Variants in ZC3H12B observed in about 807,000 individuals in gnomAD.
The protein encoded by ZC3H12B is zinc finger CCCH-type containing 12B.
ZC3H12B carries 7 observed loss-of-function variants against 43.9 expected under a neutral mutation model. The observed-to-expected ratio is 0.16, with a 90% CI of 0.09 to 0.30. ZC3H12B has a LOEUF of 0.30. Ranked by LOEUF, ZC3H12B falls within the 10% of genes least tolerant of loss-of-function variation. The probability of loss-of-function intolerance (pLI) is 1.00; values close to 1 mark genes in which losing one functional copy is unlikely to be tolerated. For synonymous variants in ZC3H12B, 222 were observed against 241.7 expected, an observed-to-expected ratio of 0.92 and a Z score of 0.76; for missense variants, 475 against 670.2, an observed-to-expected ratio of 0.71 and a Z score of 3.22.
intron 3 of ZC3H12B, among the ~76,000 whole-genome samples, chrX:65,443,075 G>A (rs1179844217): frequency 9.0e-6 from 1 of 111,558 alleles, no homozygotes; most frequent in Non-Finnish European, 1.9e-5. Context: ...TTTAGCTTTA[G>A]CTGGCAAATA....
the ZC3H12B span, among the ~76,000 whole-genome samples, chrX:65,094,053 A>C: frequency 9.1e-6 from 1 of 110,143 alleles, no homozygotes; most frequent in African/African-American, 3.3e-5. Flanking sequence ...TGTTCTCATG[A>C]CAGAGTTCTC....
the ZC3H12B span, among the ~76,000 whole-genome samples, chrX:65,311,045 A>G: frequency 8.9e-6 from 1 of 112,415 alleles, no homozygotes; most frequent in African/African-American, 3.2e-5. Context: ...TAAAAACTCT[A>G]GAAGAAAATC....
At chrX:65,458,327 A>C (rs1407375086) in intron 3 of ZC3H12B, among the ~76,000 whole-genome samples, 1 of 110,986 alleles carries the variant, frequency 9.0e-6, no homozygotes, top group Non-Finnish European at 1.9e-5. Flanking sequence ...AAGGATATCC[A>C]GGAATTGAAC....
At chrX:65,156,839 T>C in the ZC3H12B span, among the ~76,000 whole-genome samples, 2 of 111,908 alleles carry the variant, frequency 1.8e-5, no homozygotes, top group African/African-American at 3.2e-5. Flanking sequence ...GTTGTTGTTT[T>C]GCTTTTTTAT....
At chrX:65,224,658 G>A in the ZC3H12B span, among the ~76,000 whole-genome samples, 1 of 111,798 alleles carries the variant, frequency 8.9e-6, no homozygotes, top group East Asian at 2.8e-4. Flanking sequence ...GGAAAATCGG[G>A]TCACTCCCAC....
the ZC3H12B span, among the ~76,000 whole-genome samples, chrX:65,209,768 T>C: frequency 9.5e-6 from 1 of 104,854 alleles, no homozygotes; most frequent in South Asian, 4.3e-4. Flanking sequence ...ATGCCACATA[T>C]CTACAACTAT....
At chrX:65,456,836 G>A (rs1164575229) in intron 3 of ZC3H12B, among the ~76,000 whole-genome samples, 5 of 109,306 alleles carry the variant, frequency 4.6e-5, no homozygotes, top group South Asian at 8.0e-4. Flanking sequence ...CCAAAGTGCC[G>A]AGATTGCAGC....
chrX:65,159,280 T>A, the ZC3H12B span, among the ~76,000 whole-genome samples: 1 of 110,931 alleles, frequency 9.0e-6, no homozygotes, highest in Non-Finnish European at 1.9e-5. Context: ...CCATATGAAC[T>A]TTAGTTTTTT....
At chrX:65,158,378 C>A in the ZC3H12B span, among the ~76,000 whole-genome samples, 3 of 111,511 alleles carry the variant, frequency 2.7e-5, no homozygotes, top group Non-Finnish European at 5.7e-5. Flanking sequence ...AACTAGTTTA[C>A]AGTCCCACCA....
the ZC3H12B span, among the ~76,000 whole-genome samples, chrX:65,258,740 T>G: frequency 1.8e-5 from 2 of 111,687 alleles, no homozygotes; most frequent in South Asian, 7.5e-4. Flanking sequence ...CAAATTGATG[T>G]ACAAAAATCA....
At chrX:65,434,184 C>T (rs760740629) in intron 3 of ZC3H12B, among the ~76,000 whole-genome samples, 3 of 112,116 alleles carry the variant, frequency 2.7e-5, no homozygotes, top group African/African-American at 9.7e-5. Flanking sequence ...CTAAAGTTCA[C>T]ACTGTAAGGT....
At chrX:65,463,541 T>G in intron 3 of ZC3H12B, among the ~76,000 whole-genome samples, 1 of 111,667 alleles carries the variant, frequency 9.0e-6, no homozygotes, top group Admixed American at 9.5e-5. Flanking sequence ...AGGCCAGAAG[T>G]CTGAAATCTA....
the ZC3H12B span, among the ~76,000 whole-genome samples, chrX:65,116,766 C>G: frequency 9.1e-6 from 1 of 109,929 alleles, no homozygotes; most frequent in African/African-American, 3.3e-5. Context: ...CACCCTGTGT[C>G]CAAGTGTTCT....
chrX:65,266,998 C>A, the ZC3H12B span, among the ~76,000 whole-genome samples: 2 of 110,123 alleles, frequency 1.8e-5, no homozygotes, highest in Non-Finnish European at 3.8e-5. Flanking sequence ...ATTAAGAAGT[C>A]CACATGCATC....
chrX:65,193,309 C>G, the ZC3H12B span, among the ~76,000 whole-genome samples: 3 of 110,626 alleles, frequency 2.7e-5, no homozygotes, highest in Non-Finnish European at 5.7e-5. Flanking sequence ...ATCTTGTCTT[C>G]GATCTCATTA....
chrX:65,330,246 A>G, the ZC3H12B span, among the ~76,000 whole-genome samples: 3 of 111,678 alleles, frequency 2.7e-5, no homozygotes, highest in Non-Finnish European at 3.8e-5. Context: ...ATTTTTGCAC[A>G]TTAATTTTGT....
At chrX:65,235,510 C>T in the ZC3H12B span, among the ~76,000 whole-genome samples, 1 of 111,258 alleles carries the variant, frequency 9.0e-6, no homozygotes, top group African/African-American at 3.3e-5. Flanking sequence ...CCATCTCTGC[C>T]TGGGCCTCCC....
At chrX:65,409,604 A>T (rs1027385830) in intron 3 of ZC3H12B, among the ~76,000 whole-genome samples, 1 of 107,618 alleles carries the variant, frequency 9.3e-6, no homozygotes, top group Non-Finnish European at 1.9e-5. Context: ...ACACAATTAG[A>T]ACTGATAAAT....
chrX:65,203,829 T>A, the ZC3H12B span, among the ~76,000 whole-genome samples: 1 of 111,347 alleles, frequency 9.0e-6, no homozygotes, highest in Non-Finnish European at 1.9e-5. Flanking sequence ...GTCCTTATGG[T>A]CTAGGCTGCC....
Sources: gnomAD v4.1 joint callset for allele counts (sites outside exome capture counted in the v4.1 genomes callset) on GRCh38, gnomAD v4.1.1 for gene constraint, MANE v1.5 for transcripts, NCBI Gene and HGNC (gene_info 2026-07-23, HGNC 2026-07-21) for gene names.